Variants in INTS1 observed in about 807,000 individuals in gnomAD.
INTS1 encodes the protein integrator complex subunit 1.
A neutral mutation model predicts 241.6 loss-of-function variants in INTS1; 137 were observed. The ratio of observed to expected loss-of-function variants is 0.57; its 90% confidence interval spans 0.49 to 0.65. The LOEUF (loss-of-function observed/expected upper bound fraction) is 0.65. INTS1 is among the 30% of genes least tolerant of loss of function. The probability of loss-of-function intolerance (pLI) is 0.00; values close to 1 mark genes in which losing one functional copy is unlikely to be tolerated. For missense variants in INTS1, 3,073 were observed against 3,032.2 expected (o/e 1.01, Z -0.32); for synonymous variants, 1,692 against 1,337.8 (o/e 1.26, Z -5.78).
chr7:1,473,579 C>A lies in INTS1; in HGVS notation c.5944G>T (p.Ala1982Ser). The change falls in exon 42 of 48, where the codon GCC (alanine) becomes TCC (serine). Residue 1982 changes from alanine to serine, a missense_variant. Coordinates refer to ENST00000404767, the MANE Select transcript of INTS1 (RefSeq NM_001080453.3). ...GTGGGCACTCACTGGAGCGGGTCGG[C>A]GTGCTTCTGCAGGAAGGAGATGGCT... ...PAAISFLQKH[A>S]DPLHDLSFDN... The A allele has an allele frequency of 1.3e-6, 2 of 1,597,926 alleles. No homozygotes were observed. Among genetic ancestry groups the A allele is most frequent in the Non-Finnish European group, 1.7e-6 (2 of 1,172,908 alleles).
Position 1,497,804 on chromosome 7 carries a change from G to A in INTS1, c.1426-490C>T, listed in dbSNP as rs897115966. ...CATAGAGCCCACCGGGAGGCCTAAT[G>A]CGCTGGTGGCGATGGGAGCATCTCC... On this transcript the variant is annotated intron_variant, in intron 10 of 47. Transcript: ENST00000404767. This position sits in a 1 kb window ranked among gnomAD's most constrained non-coding sequence, Gnocchi z 5.3. 5.9e-5 allele frequency among the ~76,000 whole-genome samples: 9 copies of A among 152,234 alleles called. No homozygotes were observed. Among genetic ancestry groups the A allele is most frequent in the African/African-American group, 2.2e-4 (9 of 41,474 alleles).
chr7:1,483,690 C>A (rs188659788), intron 26 of INTS1, 52 bp downstream of exon 26: 1 of 1,422,660 alleles, frequency 7.0e-7, no homozygotes, highest in Non-Finnish European at 9.9e-7. Context: ...GTGGTCAGGG[C>A]TGTGGCCCAC....
chr7:1,498,103 TA>T (rs1352926785), intron 10 of INTS1, among the ~76,000 whole-genome samples: 10 of 152,086 alleles, frequency 6.6e-5, no homozygotes, highest in Non-Finnish European at 1.5e-4. Flanking sequence ...GCTTGAAAAA[TA>T]AAAACAGAAG....
chr7:1,473,787 G>GACC (rs1781585801), intron 41 of INTS1, 94 bp from the exon 42 acceptor site: 2 of 1,498,800 alleles, frequency 1.3e-6, no homozygotes, highest in Admixed American at 1.8e-5. Context: ...TCAGGGCATG[G>GACC]ACCCCACAGC....
rs1012294605 is a variant in INTS1 at position 1,486,710 on chromosome 7, T to C, written c.2891A>G (p.Asp964Gly). 1.1e-5 allele frequency: 17 copies of C among 1,612,618 alleles called. No individual in the cohort carries two copies. Among genetic ancestry groups the C allele is most frequent in the Middle Eastern group, 1.6e-4 (1 of 6,078 alleles). ...LQDLLLGPKA[D>G]EQTTCEVLDY... Reference sequence around the variant, plus strand: ...CAGCACCTCACACGTGGTCTGCTCATCAGCCTTCGGGCCCAGTAGCAGGTC... The same window carrying C: ...CAGCACCTCACACGTGGTCTGCTCACCAGCCTTCGGGCCCAGTAGCAGGTC... Residue 964 changes from aspartate (D) to glycine (G), a missense_variant, in exon 22 of 48, where the codon GAT becomes GGT. Asp to Gly is a moderately conservative substitution (Grantham distance 94, BLOSUM62 -1). Transcript: ENST00000404767.
At chr7:1,495,590 C>A in intron 12 of INTS1, 37 bp from the exon 13 acceptor site, 1 of 1,589,990 alleles carries the variant, frequency 6.3e-7, no homozygotes, top group Non-Finnish European at 8.5e-7. Flanking sequence ...CCATCCGAGC[C>A]ATGGGCCATG....
rs142510124 is a variant in INTS1 at position 1,485,580 on chromosome 7, G to A, written c.2977-111C>T. 470 of 1,158,010 alleles carry A rather than the reference G, an allele frequency of 4.1e-4. 3 individuals carry two copies. The East Asian group carries it at 0.011, about 28-fold the overall frequency. The allele number at this position is 1,158,010 out of a possible 1,614,324, so 71.7% of individuals were successfully genotyped here. A position where few individuals can be genotyped will look rare whatever the true frequency, so the allele number is the denominator to read the frequency against. ...CTCAGAGCCCCGAGGAGAATGTGGC[G>A]CTTGCTTCCCACGGGAGAGGCCGCA... On this transcript the variant is annotated intron_variant, in intron 22 of 47. Transcript: ENST00000404767.
In INTS1 at chr7:1,480,236, C is replaced by G. The variant is rs566088468; in HGVS notation, c.4074+81G>C. 41 of 1,474,528 alleles carry G rather than the reference C, an allele frequency of 2.8e-5. No homozygotes were observed. The African/African-American group carries it at 4.6e-4, about 17-fold the overall frequency. 91.3% of individuals were successfully genotyped at this position (1,474,528 alleles called of 1,614,324 possible). On this transcript the variant is annotated intron_variant, in intron 30 of 47. Transcript: ENST00000404767. ...CAGGCGGTCACGCAAGTAAAGGCCG[C>G]TGTGCGTGCGAGGCGGCAGCGAAGG...
chr7:1,477,584 T>A lies in INTS1; in HGVS notation c.4904A>T (p.Asp1635Val). ...LDPEVVSSCP[D>V]LQLRLLFSRR... The stretch of plus-strand genomic sequence containing the variant: ...GGAGAAGAGCAGCCTGAGCTGCAGG[T>A]CGGGGCAGCTGCTGACCACCTCGGG... The change falls in exon 35 of 48, where the codon GAC becomes GTC. Residue 1635 changes from aspartate (D) to valine (V), a missense_variant. Coordinates refer to ENST00000404767, the MANE Select transcript of INTS1 (RefSeq NM_001080453.3). The A allele has an allele frequency of 6.4e-7, 1 of 1,554,312 alleles. No homozygotes were observed.
Position 1,486,914 on chromosome 7 carries a change from GC to G in INTS1, c.2826+7del. The G allele has an allele frequency of 6.3e-7, 1 of 1,590,786 alleles. No homozygotes were observed. On this transcript the variant is annotated splice_region_variant and intron_variant, in intron 21 of 47. Coordinates refer to ENST00000404767, the MANE Select transcript of INTS1 (RefSeq NM_001080453.3). ...AGGCGGGGGGGCTGAGGGGTGGGCG[GC>G]CCTGACCTGCCGCTTCTTGGCCTTC... is the stretch of plus-strand genomic sequence containing the variant.
At chr7:1,472,691 C>T (rs949183135) in intron 43 of INTS1, among the ~76,000 whole-genome samples, 9 of 152,188 alleles carry the variant, frequency 5.9e-5, no homozygotes, top group Non-Finnish European at 7.3e-5. Context: ...ACAGGAGAGA[C>T]GTGCTGCGGT....
chr7:1,474,943 C>A, intron 39 of INTS1, 105 bp from the exon 40 acceptor site: 1 of 1,429,428 alleles, frequency 7.0e-7, no homozygotes. Flanking sequence ...GCGTGGCACG[C>A]CATGAGCAGA....
chr7:1,476,625 C>G lies in INTS1; in HGVS notation c.5096G>C (p.Trp1699Ser), dbSNP rs767100030. ...FDPSASLDFLWACIHVPRIWQ... is the reference protein window; with the variant it reads ...FDPSASLDFLSACIHVPRIWQ... ...GATGCGAGGAACATGGATGCAGGCC[C>G]AGAGGAAGTCCAGAGAGGCAGAGGG... is the stretch of plus-strand genomic sequence containing the variant. Residue 1699 changes from tryptophan (W) to serine (S), a missense_variant, in exon 37 of 48, where the codon TGG becomes TCG. Physicochemically the swap from Trp to Ser is radical, Grantham distance 177 (BLOSUM62 -3). Coordinates refer to ENST00000404767, the MANE Select transcript of INTS1 (RefSeq NM_001080453.3). The G allele has an allele frequency of 1.2e-5, 19 of 1,612,630 alleles. No individual in the cohort carries two copies. In the South Asian group the frequency reaches 1.9e-4, roughly 16 times the overall value.
intron 43 of INTS1, among the ~76,000 whole-genome samples, 181 bp from the exon 44 acceptor site, chr7:1,472,567 G>A (rs921803136): frequency 6.6e-6 from 1 of 152,188 alleles, no homozygotes; most frequent in Non-Finnish European, 1.5e-5. Context: ...TGGATCCGGC[G>A]CATGCACCTC....
intron 16 of INTS1, among the ~76,000 whole-genome samples, chr7:1,491,346 A>G (rs968663231): frequency 6.6e-6 from 1 of 152,238 alleles, no homozygotes; most frequent in African/African-American, 2.4e-5. Flanking sequence ...TCATCAGGGA[A>G]AGACAGGCTT....
rs1426685309 is a variant in INTS1 at position 1,487,901 on chromosome 7, A to G, written c.2375T>C (p.Leu792Pro). 1 of 1,613,500 alleles carries G rather than the reference A, an allele frequency of 6.2e-7. No individual in the cohort carries two copies. Among genetic ancestry groups the G allele is most frequent in the South Asian group, 1.1e-5 (1 of 91,086 alleles). Residue 792 changes from leucine (L) to proline (P), a missense_variant, in exon 19 of 48, where the codon CTG (leucine) becomes CCG (proline). By Grantham distance (98) the Leu-to-Pro change is moderately conservative (BLOSUM62 -3). Transcript: ENST00000404767. ...LTDEETRTEM[L>P]NRELQTAQRE... Reference sequence around the variant, plus strand: ...CTGGGCGGTCTGCAGCTCACGGTTCAGCATCTCCGTCCGGGTCTCCTCATC... The same window carrying G: ...CTGGGCGGTCTGCAGCTCACGGTTCGGCATCTCCGTCCGGGTCTCCTCATC...
Position 1,473,177 on chromosome 7 carries a change from A to G in INTS1, c.5965T>C (p.Ser1989Pro). Residue 1989 changes from serine to proline, a missense_variant, in exon 43 of 48, where the codon TCC becomes CCC. Transcript: ENST00000404767. ...ATCACCAGGTCACTGTTGTCGAAGG[A>G]CAGGTCGCTGGGGAGAGAAGATGCT... ...QKHADPLHDL[S>P]FDNSDLVMLK... is the part of the protein sequence containing the mutation. 1 of 1,610,074 alleles carries G rather than the reference A, an allele frequency of 6.2e-7. No individual in the cohort carries two copies. The highest frequency in any genetic ancestry group is 8.5e-7 in the Non-Finnish European group (1 of 1,177,892).
In INTS1 at chr7:1,471,607, C is replaced by T; in HGVS notation, c.6219G>A (p.Met2073Ile). The T allele has an allele frequency of 6.2e-7, 1 of 1,612,474 alleles. No individual in the cohort carries two copies. Among genetic ancestry groups the T allele is most frequent in the Non-Finnish European group, 8.5e-7 (1 of 1,179,800 alleles). The part of the protein sequence containing the change: ...LLEVLSDIDE[M>I]SRRRPEILSF... ...TCAGGATCTCGGGTCTCCGCCGGGA[C>T]ATCTCGTCTATGTCACTCAGAACCT... Residue 2073 changes from methionine to isoleucine, a missense_variant, in exon 45 of 48, where the codon ATG (methionine) becomes ATA (isoleucine). Transcript: ENST00000404767.
chr7:1,496,091 C>T (rs924848306), intron 12 of INTS1, 65 bp downstream of exon 12: 85 of 1,312,300 alleles, frequency 6.5e-5, no homozygotes, highest in Admixed American at 5.8e-4. Context: ...CTCGGAGAGC[C>T]GCCAGCCACC....
Sources: allele counts gnomAD v4.1 joint callset (sites outside exome capture counted in the v4.1 genomes callset), GRCh38; gene constraint gnomAD v4.1.1; non-coding constraint Gnocchi (gnomAD v3.1); transcripts MANE v1.5; gene names NCBI Gene and HGNC (gene_info 2026-07-23, HGNC 2026-07-21).